The following PEBP4 variants were observed in gnomAD, a reference collection of about 807,000 sequenced individuals.
PEBP4 encodes the protein phosphatidylethanolamine binding protein 4, also known as phosphatidylethanolamine-binding protein 4.
Under a neutral mutation model 23.9 loss-of-function variants are expected in PEBP4, and 22 were observed. The ratio of observed to expected loss-of-function variants is 0.92; its 90% CI spans 0.66 to 1.31. The LOEUF is 1.31. PEBP4 is among the 40% of genes most tolerant of loss of function. PEBP4 has a pLI of 0.00. For synonymous variants in PEBP4, 112 were observed against 99.3 expected (o/e 1.13, Z -0.76); for missense variants, 324 against 281.7 (o/e 1.15, Z -1.07).
At chr8:22,807,296 T>C (rs185203857) in intron 4 of PEBP4, among the ~76,000 whole-genome samples, 29 of 152,238 alleles carry the variant, frequency 1.9e-4, no homozygotes, top group African/African-American at 6.3e-4. Flanking sequence ...TAGAAGCAGA[T>C]CAGCAGGAGA....
At chr8:22,736,885 A>G (rs533704137) in intron 4 of PEBP4, among the ~76,000 whole-genome samples, 7 of 152,216 alleles carry the variant, frequency 4.6e-5, no homozygotes, top group Non-Finnish European at 8.8e-5. Flanking sequence ...TATTTTGGAT[A>G]GCCATCTTAT....
At chr8:22,934,121 G>T (rs1268328447) in intron 1 of PEBP4, among the ~76,000 whole-genome samples, 5 of 152,146 alleles carry the variant, frequency 3.3e-5, no homozygotes, top group Admixed American at 1.3e-4. Context: ...TGAAAGGTCT[G>T]CCCCCAAGAT....
At chr8:22,764,629 A>G (rs934771710) in intron 4 of PEBP4, among the ~76,000 whole-genome samples, 1 of 151,992 alleles carries the variant, frequency 6.6e-6, no homozygotes, top group African/African-American at 2.4e-5. Context: ...TAAGTGAAGT[A>G]TCATGGGACT....
intron 6 of PEBP4, among the ~76,000 whole-genome samples, chr8:22,715,758 T>C (rs1804403843): frequency 6.6e-6 from 1 of 152,200 alleles, no homozygotes; most frequent in Non-Finnish European, 1.5e-5. Flanking sequence ...GGCTAGCCTC[T>C]TGCTGCCTCC....
intron 3 of PEBP4, among the ~76,000 whole-genome samples, chr8:22,859,942 C>A (rs987138401): frequency 3.3e-5 from 5 of 151,374 alleles, no homozygotes; most frequent in Admixed American, 2.0e-4. Flanking sequence ...CATAGGGAGA[C>A]CCCATCCCTA....
intron 3 of PEBP4, among the ~76,000 whole-genome samples, chr8:22,839,339 G>A (rs1290697823): frequency 5.9e-5 from 9 of 152,128 alleles, no homozygotes; most frequent in Admixed American, 1.3e-4. Context: ...GGGCTTTGGG[G>A]GTGGCATGGC....
At chr8:22,912,688 G>T (rs1232313923) in intron 3 of PEBP4, among the ~76,000 whole-genome samples, 3 of 152,202 alleles carry the variant, frequency 2.0e-5, no homozygotes, top group Non-Finnish European at 1.5e-5. Flanking sequence ...TTTGCAACCT[G>T]AACATCTAAC....
At chr8:22,769,778 G>T (rs576793614) in intron 4 of PEBP4, among the ~76,000 whole-genome samples, 2 of 151,722 alleles carry the variant, frequency 1.3e-5, no homozygotes, top group Non-Finnish European at 2.9e-5. Flanking sequence ...GTTTTTCTTC[G>T]TATGAAAGAG....
At chr8:22,869,362 T>TA (rs1398709754) in intron 3 of PEBP4, among the ~76,000 whole-genome samples, 1 of 152,236 alleles carries the variant, frequency 6.6e-6, no homozygotes, top group Non-Finnish European at 1.5e-5. Flanking sequence ...ATGTCTCCCC[T>TA]ACCAGAAAGT....
At chr8:22,795,157 A>ATG (rs1806219714) in intron 4 of PEBP4, among the ~76,000 whole-genome samples, 1 of 30,752 alleles carries the variant, frequency 3.3e-5, no homozygotes, top group Non-Finnish European at 6.0e-5. Context: ...ATATATATAT[A>ATG]TATATATTTT....
At chr8:22,737,396 G>A (rs73671272) in intron 4 of PEBP4, among the ~76,000 whole-genome samples, 4,125 of 152,168 alleles carry the variant, frequency 0.027, 198 homozygotes, top group African/African-American at 0.094. Flanking sequence ...TTATGTCGTG[G>A]CCATCAGGCA....
chr8:22,927,873 T>A lies in PEBP4; in HGVS notation c.-57A>T, dbSNP rs2466225. 3 of 810,286 alleles carry A rather than the reference T, an allele frequency of 3.7e-6. No homozygotes were observed. The highest frequency in any genetic ancestry group is 5.9e-5 in the East Asian group (2 of 34,090). The allele number at this position is 810,286 out of a possible 1,614,324, so 50.2% of individuals were successfully genotyped here. A position where few individuals can be genotyped will look rare whatever the true frequency, so the allele number is the denominator to read the frequency against. ...CAGGCAGCTTCCAGGGCTCCGCAGC[T>A]AATCCAGTCCACCACCCGGACACAA... On this transcript the variant is annotated 5_prime_UTR_variant, in exon 1 of 7. Coordinates refer to ENST00000256404, the MANE Select transcript of PEBP4 (RefSeq NM_144962.3).
At chr8:22,814,894 G>T (rs1806706188) in intron 4 of PEBP4, among the ~76,000 whole-genome samples, 1 of 151,926 alleles carries the variant, frequency 6.6e-6, no homozygotes, top group Non-Finnish European at 1.5e-5. Flanking sequence ...ACCGGGGGGT[G>T]GTGGAGGGAA....
At chr8:22,866,659 C>T (rs1027734329) in intron 3 of PEBP4, among the ~76,000 whole-genome samples, 7 of 151,458 alleles carry the variant, frequency 4.6e-5, no homozygotes, top group Non-Finnish European at 8.8e-5. Context: ...AAGCAAATCA[C>T]AAAACAGTAT....
At chr8:22,759,208 G>T (rs900437194) in intron 4 of PEBP4, among the ~76,000 whole-genome samples, 1 of 152,024 alleles carries the variant, frequency 6.6e-6, no homozygotes, top group Non-Finnish European at 1.5e-5. Context: ...AGGGGTGGGG[G>T]CTGGGAGTCT....
At chr8:22,803,527 G>A (rs1806432850) in intron 4 of PEBP4, among the ~76,000 whole-genome samples, 1 of 152,086 alleles carries the variant, frequency 6.6e-6, no homozygotes, top group African/African-American at 2.4e-5. Flanking sequence ...AGCCAAGTGT[G>A]GTGCTGCGGG....
At chr8:22,766,692 C>T (rs774635812) in intron 4 of PEBP4, among the ~76,000 whole-genome samples, 12 of 152,276 alleles carry the variant, frequency 7.9e-5, no homozygotes, top group Admixed American at 2.6e-4. Context: ...CCCGGGGCGG[C>T]GGTTGGGGGA....
chr8:22,835,482 A>C (rs1011276333), intron 3 of PEBP4, among the ~76,000 whole-genome samples: 1 of 152,174 alleles, frequency 6.6e-6, no homozygotes, highest in Non-Finnish European at 1.5e-5. Context: ...ACTGGTGCAC[A>C]TGGAAACACA....
At chr8:22,735,923 G>A (rs1448971924) in intron 4 of PEBP4, among the ~76,000 whole-genome samples, 3 of 152,194 alleles carry the variant, frequency 2.0e-5, no homozygotes, top group Non-Finnish European at 2.9e-5. Flanking sequence ...ACACAGAAAA[G>A]CACTAGAAAG....
Sources: gnomAD v4.1 joint callset for allele counts (sites outside exome capture counted in the v4.1 genomes callset) on GRCh38, gnomAD v4.1.1 for gene constraint, MANE v1.5 for transcripts, NCBI Gene and HGNC (gene_info 2026-07-23, HGNC 2026-07-21) for gene names.